The following PNPLA3 variants were observed in gnomAD, a reference collection of about 807,000 sequenced individuals.
The protein encoded by PNPLA3 is patatin like domain 3, 1-acylglycerol-3-phosphate O-acyltransferase.
A neutral mutation model predicts 43.1 loss-of-function variants in PNPLA3; 42 were observed. The ratio of observed to expected loss-of-function variants is 0.97; its 90% CI spans 0.76 to 1.26. The LOEUF is 1.26. Among genes scored for constraint, PNPLA3 ranks in the 50% most tolerant of loss-of-function variants. PNPLA3 has a pLI of 0.00. For missense variants in PNPLA3, 647 were observed against 621.4 expected (o/e 1.04, Z -0.44); for synonymous variants, 272 against 253.6 (o/e 1.07, Z -0.69).
At chr22:43,924,625 G>C (rs576616942) in intron 1 of PNPLA3, among the ~76,000 whole-genome samples, 1 of 152,170 alleles carries the variant, frequency 6.6e-6, no homozygotes, top group Non-Finnish European at 1.5e-5. Context: ...AAGACACCCC[G>C]CGCCTGCGCT....
Position 43,934,748 on chromosome 22 carries a change from T to C in PNPLA3, c.757+82T>C, listed in dbSNP as rs529636368. ...CTTGGTAAAGACTTGAGATTTGCCT[T>C]AGTTCTAACACTTAGTGCCCAACGC... On this transcript the variant is annotated intron_variant, in intron 5 of 8. Coordinates refer to ENST00000216180, the MANE Select transcript of PNPLA3 (RefSeq NM_025225.3). 23 of 1,347,554 alleles carry C rather than the reference T, an allele frequency of 1.7e-5. No homozygotes were observed. In the African/African-American group the frequency reaches 2.7e-4, roughly 16 times the overall value. 83.5% of individuals were successfully genotyped at this position (1,347,554 alleles called of 1,614,324 possible). A position where few individuals can be genotyped will look rare whatever the true frequency, so the allele number is the denominator to read the frequency against.
chr22:43,923,902 C>T lies in PNPLA3; in HGVS notation c.-10C>T, dbSNP rs2049902713. On this transcript the variant is annotated 5_prime_UTR_variant, in exon 1 of 9. Coordinates refer to ENST00000216180, the MANE Select transcript of PNPLA3 (RefSeq NM_025225.3). ...ATCCTAACCCGCGCCCCCGCCCCGC[C>T]GCCGCCGCCATGTACGACGCAGAGC... The T allele has an allele frequency of 6.6e-7, 1 of 1,511,384 alleles. No homozygotes were observed. Among genetic ancestry groups the T allele is most frequent in the Non-Finnish European group, 8.8e-7 (1 of 1,137,608 alleles). The allele number at this position is 1,511,384 out of a possible 1,614,324, so 93.6% of individuals were successfully genotyped here.
At position 43,947,359 on chromosome 22, in the gene PNPLA3, C is replaced by CAAA. The variant is rs3083314; in HGVS notation, c.*987_*989dup. 0.013 allele frequency: 1,955 copies of CAAA among 145,428 alleles called. 54 individuals are homozygous for CAAA. The highest frequency in any genetic ancestry group is 0.044 in the African/African-American group (1,738 of 39,282). The allele number at this position is 145,428 out of a possible 1,614,324, so 9.0% of individuals were successfully genotyped here. A position where few individuals can be genotyped will look rare whatever the true frequency, so the allele number is the denominator to read the frequency against. ...GGGCAACATGAGTGAAAGTCTGACT[C>CAAA]AAAAAAAAAAAATTTAAAAAACAAA... is the stretch of plus-strand genomic sequence containing the variant. On this transcript the variant is annotated 3_prime_UTR_variant, in exon 9 of 9. Coordinates refer to ENST00000216180, the MANE Select transcript of PNPLA3 (RefSeq NM_025225.3).
At chr22:43,939,398 G>A (rs1007774816) in intron 6 of PNPLA3, 4 of 982,188 alleles carry the variant, frequency 4.1e-6, no homozygotes, top group Admixed American at 6.1e-5. Context: ...CTGGAATGGC[G>A]ACTTCCAAAC....
chr22:43,933,839 C>T (rs111393709), intron 4 of PNPLA3, among the ~76,000 whole-genome samples: 6,453 of 152,256 alleles, frequency 0.042, 179 homozygotes, highest in Middle Eastern at 0.078. Flanking sequence ...AGAAAGAAGG[C>T]TATGCAATGC....
chr22:43,944,487 C>G (rs2050050636), intron 7 of PNPLA3, among the ~76,000 whole-genome samples: 1 of 152,114 alleles, frequency 6.6e-6, no homozygotes, highest in South Asian at 2.1e-4. Context: ...GTGTAAGTCC[C>G]TTGAGCTTTC....
intron 6 of PNPLA3, among the ~76,000 whole-genome samples, chr22:43,937,873 C>T (rs1304416068): frequency 6.6e-6 from 1 of 152,036 alleles, no homozygotes; most frequent in East Asian, 1.9e-4. Context: ...GATTGTGTAC[C>T]CCCCAGAATT....
At position 43,946,487 on chromosome 22, in the gene PNPLA3, G is replaced by A. The variant is rs539980744; in HGVS notation, c.*105G>A. 1.9e-5 allele frequency: 22 copies of A among 1,133,234 alleles called. No individual in the cohort carries two copies. Among genetic ancestry groups the A allele is most frequent in the African/African-American group, 4.6e-5 (3 of 65,124 alleles). The allele number at this position is 1,133,234 out of a possible 1,614,324, so 70.2% of individuals were successfully genotyped here. A position where few individuals can be genotyped will look rare whatever the true frequency, so the allele number is the denominator to read the frequency against. Reference sequence around the variant, plus strand: ...CTGTGTAGTGACCCCTGCCTGTGACGTGGAGGATCCCAGCCTCTGAGCTGA... The same window carrying A: ...CTGTGTAGTGACCCCTGCCTGTGACATGGAGGATCCCAGCCTCTGAGCTGA... On this transcript the variant is annotated 3_prime_UTR_variant, in exon 9 of 9. Transcript: ENST00000216180.
At chr22:43,941,866 G>A (rs965341222) in intron 7 of PNPLA3, among the ~76,000 whole-genome samples, 1 of 152,064 alleles carries the variant, frequency 6.6e-6, no homozygotes, top group African/African-American at 2.4e-5. Flanking sequence ...CAGGCATCAG[G>A]AATGGGGCTG....
In PNPLA3 at chr22:43,946,536, A is replaced by G. The variant is rs1325962347; in HGVS notation, c.*154A>G. The G allele has an allele frequency of 6.5e-6, 5 of 768,254 alleles. No homozygotes were observed. The East Asian group carries it at 1.0e-4, about 16-fold the overall frequency. 47.6% of individuals were successfully genotyped at this position (768,254 alleles called of 1,614,324 possible). A position where few individuals can be genotyped will look rare whatever the true frequency, so the allele number is the denominator to read the frequency against. On this transcript the variant is annotated 3_prime_UTR_variant, in exon 9 of 9. Transcript: ENST00000216180. ...GAGTTGGTTTTATGAAAAGCTAGGA[A>G]GCAACCTTTCGCCTGTGCAGCGGTC... is the stretch of plus-strand genomic sequence containing the variant.
intron 1 of PNPLA3, 35 bp from the exon 2 acceptor site, chr22:43,926,900 G>A: frequency 5.1e-6 from 8 of 1,578,056 alleles, no homozygotes; most frequent in Non-Finnish European, 7.0e-6. Context: ...TCCCAGTGTG[G>A]TACATTCTTT....
Position 43,946,798 on chromosome 22 carries a change from C to T in PNPLA3, c.*416C>T, listed in dbSNP as rs2050066704. ...TGGAGGGAAGAGAATAGCATGATCC[C>T]ACTTCCCCATGCTGTGGGAAGGGGT... On this transcript the variant is annotated 3_prime_UTR_variant, in exon 9 of 9. Transcript: ENST00000216180. The T allele has an allele frequency of 1.9e-6, 1 of 515,464 alleles. No homozygotes were observed. The highest frequency in any genetic ancestry group is 1.9e-5 in the African/African-American group (1 of 52,048). 31.9% of individuals were successfully genotyped at this position (515,464 alleles called of 1,614,324 possible).
At chr22:43,929,326 A>C (rs1313715209) in intron 3 of PNPLA3, among the ~76,000 whole-genome samples, 3 of 151,704 alleles carry the variant, frequency 2.0e-5, no homozygotes, top group Non-Finnish European at 4.4e-5. Context: ...AAATACAAAA[A>C]TTAGCTGGGC....
chr22:43,931,443 C>T (rs2049961200), intron 3 of PNPLA3, among the ~76,000 whole-genome samples: 1 of 152,150 alleles, frequency 6.6e-6, no homozygotes, highest in Non-Finnish European at 1.5e-5. Flanking sequence ...GAAGATGATC[C>T]ACCAGCCGCC....
At chr22:43,927,781 G>A (rs1301634730) in intron 2 of PNPLA3, among the ~76,000 whole-genome samples, 1 of 152,138 alleles carries the variant, frequency 6.6e-6, no homozygotes, top group Non-Finnish European at 1.5e-5. Context: ...GCTAATGTTT[G>A]TACTTTTTGT....
Position 43,937,252 on chromosome 22 carries a change from T to G in PNPLA3, c.959T>G (p.Leu320Arg). Residue 320 changes from leucine (L) to arginine (R), a missense_variant, in exon 6 of 9, where the codon CTC becomes CGC. Physicochemically the swap from Leu to Arg is moderately radical, Grantham distance 102. Transcript: ENST00000216180. ...TGGGATGAGAGCATCCTGGACACCC[T>G]CTCGCCCAGGCTCGCTACAGGTACC... The part of the protein sequence containing the change: ...LPWDESILDT[L>R]SPRLATALSE... The G allele has an allele frequency of 6.2e-7, 1 of 1,613,928 alleles. No individual in the cohort carries two copies. The highest frequency in any genetic ancestry group is 8.5e-7 in the Non-Finnish European group (1 of 1,180,014).
intron 5 of PNPLA3, 94 bp from the exon 6 acceptor site, chr22:43,936,957 C>T (rs1263780915): frequency 3.0e-6 from 3 of 1,007,848 alleles, no homozygotes; most frequent in Admixed American, 4.0e-5. Context: ...AATAACAGGC[C>T]AGCTGCCTGC....
intron 1 of PNPLA3, among the ~76,000 whole-genome samples, chr22:43,925,129 G>A (rs1479958313): frequency 6.6e-6 from 1 of 152,056 alleles, no homozygotes. Flanking sequence ...CTGGGGGCTG[G>A]AGTGCATCCC....
At chr22:43,927,659 T>C (rs1378409415) in intron 2 of PNPLA3, among the ~76,000 whole-genome samples, 1 of 30,158 alleles carries the variant, frequency 3.3e-5, no homozygotes, top group Non-Finnish European at 6.5e-5. Context: ...TCTCTTTTTT[T>C]TGGGTGGGGG....
Sources: gnomAD v4.1 joint callset for allele counts (sites outside exome capture counted in the v4.1 genomes callset) on GRCh38, gnomAD v4.1.1 for gene constraint, MANE v1.5 for transcripts, NCBI Gene and HGNC (gene_info 2026-07-23, HGNC 2026-07-21) for gene names.